Variants in LMNB1 observed in about 807,000 individuals in gnomAD.
The protein encoded by LMNB1 is lamin B1.
LMNB1 carries 23 observed loss-of-function variants against 67.1 expected under a neutral mutation model. The observed-to-expected ratio is 0.34, with a 90% CI of 0.25 to 0.49. The LOEUF (loss-of-function observed/expected upper bound fraction) is 0.49, where lower values mean the gene tolerates loss of function less well. Ranked by LOEUF, LMNB1 falls within the 20% of genes least tolerant of loss-of-function variation. The probability of loss-of-function intolerance (pLI) is 0.99; values close to 1 mark genes in which losing one functional copy is unlikely to be tolerated. For missense variants in LMNB1, 634 were observed against 746.5 expected, an observed-to-expected ratio of 0.85 and a Z score of 1.76; for synonymous variants, 281 against 282.9, an observed-to-expected ratio of 0.99 and a Z score of 0.07.
At chr5:126,776,691 G>A (rs1750453011), upstream of LMNB1, 1 of 152,244 alleles carries the variant, frequency 6.6e-6, no homozygotes, top group African/African-American at 2.4e-5. Flanking sequence ...GTGGCTTTTA[G>A]GGACGTTTAT....
Position 126,821,113 on chromosome 5 carries a change from G to A in LMNB1, c.1364G>A (p.Arg455His), listed in dbSNP as rs773118659. The change falls in exon 7 of 11, where the codon CGC (arginine) becomes CAC (histidine). Residue 455 changes from arginine (R) to histidine (H), a missense_variant. Coordinates refer to ENST00000261366, the MANE Select transcript of LMNB1 (RefSeq NM_005573.4). ...EEIDVDGKFI[R>H]LKNTSEQDQP... ...ATTGATGTTGATGGGAAATTTATCC[G>A]CTTGAAGAACACTTCTGAACAGGTA... is the stretch of plus-strand genomic sequence containing the variant. The A allele has an allele frequency of 6.2e-6, 10 of 1,612,628 alleles. No individual in the cohort carries two copies. The highest frequency in any genetic ancestry group is 5.0e-5 in the Admixed American group (3 of 59,992).
intron 6 of LMNB1, among the ~76,000 whole-genome samples, chr5:126,820,443 A>G (rs1376741776): frequency 2.6e-5 from 4 of 152,208 alleles, no homozygotes; most frequent in African/African-American, 7.2e-5. Flanking sequence ...AGAAGTTTAC[A>G]TTAGTTAAGG....
intron 1 of LMNB1, among the ~76,000 whole-genome samples, chr5:126,804,262 G>A (rs1379914980): frequency 2.9e-5 from 2 of 69,052 alleles, no homozygotes; most frequent in Non-Finnish European, 6.4e-5. Context: ...TTTTTTTGTA[G>A]ATTTGGGGTC....
chr5:126,792,344 T>G (rs1480378517), intron 1 of LMNB1, among the ~76,000 whole-genome samples: 2 of 151,426 alleles, frequency 1.3e-5, no homozygotes, highest in Non-Finnish European at 2.9e-5. Flanking sequence ...GATTTTGCCA[T>G]GTTGACCAGG....
At chr5:126,787,546 A>ATATATT in intron 1 of LMNB1, among the ~76,000 whole-genome samples, 6 of 65,570 alleles carry the variant, frequency 9.2e-5, no homozygotes, top group African/African-American at 2.0e-4. Flanking sequence ...ATATATATAT[A>ATATATT]TTTTTTTTTT....
intron 8 of LMNB1, among the ~76,000 whole-genome samples, chr5:126,823,206 T>C (rs1221183986): frequency 6.6e-6 from 1 of 152,230 alleles, no homozygotes; most frequent in African/African-American, 2.4e-5. Context: ...CATTAACATA[T>C]GCCTAAAACA....
chr5:126,817,483 T>C (rs1751740316), intron 5 of LMNB1, among the ~76,000 whole-genome samples: 1 of 152,166 alleles, frequency 6.6e-6, no homozygotes, highest in African/African-American at 2.4e-5. Flanking sequence ...TATGCACATA[T>C]TTATAACTTT....
intron 1 of LMNB1, among the ~76,000 whole-genome samples, chr5:126,801,785 A>G (rs1024153563): frequency 1.3e-5 from 2 of 152,242 alleles, no homozygotes; most frequent in Non-Finnish European, 1.5e-5. Flanking sequence ...TTCTCCTGCC[A>G]TGAGGCAGGA....
intron 1 of LMNB1, among the ~76,000 whole-genome samples, chr5:126,799,243 C>T (rs1475372530): frequency 6.6e-6 from 1 of 152,220 alleles, no homozygotes; most frequent in Non-Finnish European, 1.5e-5. Flanking sequence ...TGGTCTCGAT[C>T]TCCTGACCTC....
At chr5:126,805,752 G>T (rs1751401375) in intron 3 of LMNB1, 56 bp downstream of exon 3, 1 of 1,196,378 alleles carries the variant, frequency 8.4e-7, no homozygotes, top group South Asian at 1.7e-5. Context: ...GAATGACTTT[G>T]TCATAGCTAA....
chr5:126,810,630 G>T (rs960021200), intron 4 of LMNB1, among the ~76,000 whole-genome samples: 2 of 152,166 alleles, frequency 1.3e-5, no homozygotes, highest in Non-Finnish European at 2.9e-5. Context: ...CATAGTAGTT[G>T]AACCCAAACC....
At chr5:126,810,442 G>A in intron 4 of LMNB1, 92 bp downstream of exon 4, 4 of 1,064,648 alleles carry the variant, frequency 3.8e-6, no homozygotes, top group Non-Finnish European at 5.2e-6. Context: ...TTTTGTTCTA[G>A]TTTTTAAAAA....
chr5:126,787,502 T>C (rs1750825403), intron 1 of LMNB1, among the ~76,000 whole-genome samples: 1 of 144,570 alleles, frequency 6.9e-6, no homozygotes, highest in Non-Finnish European at 1.5e-5. Context: ...GTATATGTTA[T>C]ATATAACGTG....
intron 7 of LMNB1, 72 bp downstream of exon 7, chr5:126,821,207 T>C: frequency 2.0e-6 from 2 of 983,230 alleles, no homozygotes; most frequent in South Asian, 2.7e-5. Context: ...TTGTCATAGC[T>C]CCTTAGTTTT....
intron 8 of LMNB1, among the ~76,000 whole-genome samples, chr5:126,823,448 AATT>A (rs145059642): frequency 0.029 from 4,453 of 152,276 alleles, 93 homozygotes; most frequent in Middle Eastern, 0.11. Flanking sequence ...ATAGTTACTG[AATT>A]ATTATTAGCT....
intron 1 of LMNB1, among the ~76,000 whole-genome samples, chr5:126,780,745 T>C (rs1223644272): frequency 3.9e-5 from 6 of 152,122 alleles, no homozygotes; most frequent in East Asian, 1.9e-4. Flanking sequence ...ACTCTTCTTT[T>C]CCCCCCAACA....
chr5:126,818,694 T>G lies in LMNB1; in HGVS notation c.940-228T>G, dbSNP rs145100623. ...TATATGTATATTTACAGAACTTACA[T>G]TTGTGGAATATGTCTTTTATTCTTT... On this transcript the variant is annotated intron_variant, in intron 5 of 10. Transcript: ENST00000261366. Among the ~76,000 whole-genome samples, 556 of 152,360 alleles carry G rather than the reference T, an allele frequency of 3.6e-3. 5 individuals carry two copies. The highest frequency in any genetic ancestry group is 0.013 in the African/African-American group (537 of 41,586).
intron 1 of LMNB1, among the ~76,000 whole-genome samples, chr5:126,800,466 A>G (rs938095543): frequency 7.9e-5 from 12 of 151,458 alleles, no homozygotes; most frequent in Admixed American, 2.0e-4. Context: ...AGTGGGGGAG[A>G]GTGAAGTCCG....
At chr5:126,785,738 G>GCCC (rs1561734666) in intron 1 of LMNB1, among the ~76,000 whole-genome samples, 4 of 96,228 alleles carry the variant, frequency 4.2e-5, no homozygotes, top group South Asian at 6.6e-4. Context: ...CTTAGGTTGG[G>GCCC]ACCAGCGGCT....
Sources: gnomAD v4.1 joint callset for allele counts (sites outside exome capture counted in the v4.1 genomes callset) on GRCh38, gnomAD v4.1.1 for gene constraint, MANE v1.5 for transcripts, NCBI Gene and HGNC (gene_info 2026-07-23, HGNC 2026-07-21) for gene names.